Variants in PTPRD observed in about 807,000 individuals in gnomAD.
PTPRD encodes protein tyrosine phosphatase receptor type D.
PTPRD carries 34 observed loss-of-function variants against 214.5 expected under a neutral mutation model. The ratio of observed to expected loss-of-function variants is 0.16; its 90% CI spans 0.12 to 0.21. The LOEUF (loss-of-function observed/expected upper bound fraction) is 0.21. PTPRD is among the 10% of genes least tolerant of loss of function. The pLI is 1.00. For synonymous variants in PTPRD, 1,128 were observed against 845.7 expected, an observed-to-expected ratio of 1.33 and a Z score of -5.79; for missense variants, 2,545 against 2,398.7, an observed-to-expected ratio of 1.06 and a Z score of -1.27.
chr9:9,669,198 C>T (rs548197002), intron 7 of PTPRD, among the ~76,000 whole-genome samples: 1 of 152,034 alleles, frequency 6.6e-6, no homozygotes, highest in East Asian at 1.9e-4. Context: ...ACATGCACAA[C>T]TATGTTTATT....
At chr9:10,360,137 T>G (rs2097350285) in intron 2 of PTPRD, among the ~76,000 whole-genome samples, 1 of 152,242 alleles carries the variant, frequency 6.6e-6, no homozygotes, top group African/African-American at 2.4e-5. Flanking sequence ...ATACTGAATT[T>G]TATGTGATAC....
At chr9:8,421,356 T>TC (rs2094348534) in intron 35 of PTPRD, among the ~76,000 whole-genome samples, 2 of 141,820 alleles carry the variant, frequency 1.4e-5, no homozygotes, top group South Asian at 2.2e-4. Context: ...TTTCTTCTTC[T>TC]CTCTTCTCTT....
In PTPRD at chr9:10,120,821, C is replaced by T. The variant is rs76622296; in HGVS notation, c.-544-87031G>A. On this transcript the variant is annotated intron_variant, in intron 3 of 45. Coordinates refer to ENST00000381196, the MANE Select transcript of PTPRD (RefSeq NM_002839.4). ...CTCACTTATCTTAATAATTGCAGGC[C>T]AAATATTCAACCCTGCTATCAATCT... Among the ~76,000 whole-genome samples, 1,379 of 152,022 alleles carry T rather than the reference C, an allele frequency of 9.1e-3. 16 individuals are homozygous for T. The highest frequency in any genetic ancestry group is 0.032 in the African/African-American group (1,316 of 41,470).
At chr9:8,774,527 CTTTTTTTTTT>C (rs564318443) in intron 11 of PTPRD, among the ~76,000 whole-genome samples, 5 of 105,226 alleles carry the variant, frequency 4.8e-5, no homozygotes, top group Non-Finnish European at 7.3e-5. Context: ...TGAAAAGTAA[CTTTTTTTTTT>C]TTTTTTTTTT....
chr9:9,371,197 C>A (rs1192846009), intron 9 of PTPRD, among the ~76,000 whole-genome samples: 1 of 152,104 alleles, frequency 6.6e-6, no homozygotes, highest in Admixed American at 6.6e-5. Context: ...GGTACCAGCT[C>A]CTCCTGTACC....
intron 7 of PTPRD, among the ~76,000 whole-genome samples, chr9:9,646,318 G>GGTGTGT (rs369865111): frequency 1.5e-5 from 2 of 137,238 alleles, no homozygotes; most frequent in Non-Finnish European, 3.2e-5. Context: ...TGTGTGTGTG[G>GGTGTGT]GTGTGTGTGT....
At chr9:8,479,025 C>T (rs1321425117) in intron 30 of PTPRD, among the ~76,000 whole-genome samples, 1 of 152,138 alleles carries the variant, frequency 6.6e-6, no homozygotes, top group East Asian at 1.9e-4. Context: ...GCAACCTGCC[C>T]ACCGTTCTGG....
intron 7 of PTPRD, among the ~76,000 whole-genome samples, chr9:9,593,982 G>C (rs539334931): frequency 1.3e-5 from 2 of 152,082 alleles, no homozygotes; most frequent in African/African-American, 4.8e-5. Context: ...GCTATCTATT[G>C]GTATGACAAT....
intron 11 of PTPRD, among the ~76,000 whole-genome samples, chr9:8,910,090 G>C (rs2098736837): frequency 6.6e-6 from 1 of 151,842 alleles, no homozygotes; most frequent in African/African-American, 2.4e-5. Context: ...CCAGGCTGGA[G>C]TGCAGTGGCT....
In PTPRD at chr9:9,476,283, G is replaced by A. The variant is rs190182161; in HGVS notation, c.-236-78801C>T. 3.3e-5 allele frequency among the ~76,000 whole-genome samples: 5 copies of A among 152,236 alleles called. No individual in the cohort carries two copies. In the East Asian group the frequency reaches 7.7e-4, roughly 23 times the overall value. The stretch of plus-strand genomic sequence containing the variant: ...TTTTGAGGAAATAGATGATTAGCAA[G>A]CAAATATTTCTATTCACTCTGCCCA... On this transcript the variant is annotated intron_variant, in intron 8 of 45. Transcript: ENST00000381196.
chr9:10,153,397 T>C (rs935783099), intron 3 of PTPRD, among the ~76,000 whole-genome samples: 1 of 151,500 alleles, frequency 6.6e-6, no homozygotes, highest in East Asian at 1.9e-4. Flanking sequence ...TCATATTGTT[T>C]CTAAAAATTA....
chr9:9,223,842 T>C (rs2099957725), intron 9 of PTPRD, among the ~76,000 whole-genome samples: 1 of 152,048 alleles, frequency 6.6e-6, no homozygotes, highest in South Asian at 2.1e-4. Flanking sequence ...GTACATTACA[T>C]ATTCATTAGC....
chr9:10,427,780 T>C (rs585875), intron 2 of PTPRD, among the ~76,000 whole-genome samples: 10,498 of 152,068 alleles, frequency 0.069, 1,230 homozygotes, highest in African/African-American at 0.23. Context: ...AAAATGTTTG[T>C]TAAAATATTT....
intron 10 of PTPRD, among the ~76,000 whole-genome samples, chr9:9,037,669 C>T (rs544647990): frequency 6.6e-6 from 1 of 152,158 alleles, no homozygotes; most frequent in South Asian, 2.1e-4. Flanking sequence ...TCTTTCCCTT[C>T]TTTACAAGAT....
intron 8 of PTPRD, among the ~76,000 whole-genome samples, chr9:9,425,977 T>C (rs899264734): frequency 2.0e-5 from 3 of 152,060 alleles, no homozygotes; most frequent in Non-Finnish European, 2.9e-5. Context: ...GCTCCCACCA[T>C]GAGAGACACA....
At chr9:9,777,696 C>G (rs1223259562) in intron 5 of PTPRD, among the ~76,000 whole-genome samples, 1 of 152,032 alleles carries the variant, frequency 6.6e-6, no homozygotes, top group African/African-American at 2.4e-5. Flanking sequence ...GCCTCTATCT[C>G]AACAACAAAA....
intron 2 of PTPRD, among the ~76,000 whole-genome samples, chr9:10,344,942 G>C (rs567248046): frequency 1.3e-5 from 2 of 152,094 alleles, no homozygotes; most frequent in African/African-American, 4.8e-5. Context: ...ATTCATTTTA[G>C]ATGCTATTAT....
At chr9:8,555,451 C>T (rs182291426) in intron 14 of PTPRD, among the ~76,000 whole-genome samples, 14 of 152,306 alleles carry the variant, frequency 9.2e-5, no homozygotes, top group African/African-American at 3.4e-4. Context: ...TGGTAATCAA[C>T]CACATGTTAG....
intron 3 of PTPRD, among the ~76,000 whole-genome samples, chr9:10,332,093 A>G (rs2096761461): frequency 6.6e-6 from 1 of 151,898 alleles, no homozygotes; most frequent in Admixed American, 6.6e-5. Flanking sequence ...TTTTAAAATC[A>G]GGGCACATCA....
Sources: gnomAD v4.1 joint callset for allele counts (sites outside exome capture counted in the v4.1 genomes callset) on GRCh38, gnomAD v4.1.1 for gene constraint, MANE v1.5 for transcripts, NCBI Gene and HGNC (gene_info 2026-07-23, HGNC 2026-07-21) for gene names.